LRGUK: variants seen among roughly 807,000 people sequenced by gnomAD.
LRGUK encodes the protein leucine-rich repeat and guanylate kinase domain-containing protein.
Under a neutral mutation model 76.0 loss-of-function variants are expected in LRGUK, and 65 were observed. That is an observed-to-expected ratio of 0.85 (90% CI 0.70 to 1.05). The LOEUF (loss-of-function observed/expected upper bound fraction) is 1.05. LRGUK is among the 50% of genes least tolerant of loss of function. The probability of loss-of-function intolerance (pLI) is 0.00; values close to 1 mark genes in which losing one functional copy is unlikely to be tolerated. For synonymous variants in LRGUK, 268 were observed against 265.6 expected (o/e 1.01, Z -0.09); for missense variants, 758 against 732.8 (o/e 1.03, Z -0.40).
intron 19 of LRGUK, 45 bp downstream of exon 19, chr7:134,258,450 C>T: frequency 2.5e-6 from 4 of 1,571,480 alleles, no homozygotes; most frequent in Non-Finnish European, 3.5e-6. Flanking sequence ...GTAATCCCAG[C>T]ACTTTGGGAG....
chr7:134,178,597 G>A, exon 10 of LRGUK: 2 of 1,612,010 alleles, frequency 1.2e-6, no homozygotes, highest in Non-Finnish European at 1.7e-6. Context: ...CAGCCGCAGA[G>A]GATCTTTGAC....
At chr7:134,259,861 A>G (rs1044139877) in intron 19 of LRGUK, among the ~76,000 whole-genome samples, 1 of 152,116 alleles carries the variant, frequency 6.6e-6, no homozygotes, top group Admixed American at 6.5e-5. Context: ...CAAACATAGC[A>G]CCAAGGCTCA....
In LRGUK at chr7:134,179,043, C is replaced by T. The variant is rs1478823156; in HGVS notation, c.1214+434C>T. 2.0e-5 allele frequency among the ~76,000 whole-genome samples: 3 copies of T among 151,084 alleles called. No individual in the cohort carries two copies. In the East Asian group the frequency reaches 5.9e-4, roughly 30 times the overall value. On this transcript the variant is annotated intron_variant, in intron 10 of 15. Coordinates refer to ENST00000645682, the Ensembl canonical transcript of LRGUK. ...ATATCCATTGTAAATTTTCCCTCAG[C>T]TGTGAGTGGAAGCTAAATACCCTTG... is the stretch of plus-strand genomic sequence containing the variant.
At chr7:134,215,152 A>G (rs909745568), downstream of LRGUK, among the ~76,000 whole-genome samples, 1 of 152,150 alleles carries the variant, frequency 6.6e-6, no homozygotes, top group African/African-American at 2.4e-5. Flanking sequence ...TTTATTGACC[A>G]AGATCCATAA....
At chr7:134,184,382 G>C (rs1321036800) in intron 11 of LRGUK, among the ~76,000 whole-genome samples, 3 of 150,588 alleles carry the variant, frequency 2.0e-5, no homozygotes, top group Admixed American at 6.6e-5. Context: ...CCATTCTCCT[G>C]CCTCAGCCTC....
chr7:134,218,813 A>G (rs17167643), intron 15 of LRGUK, among the ~76,000 whole-genome samples: 1 of 152,208 alleles, frequency 6.6e-6, no homozygotes, highest in Non-Finnish European at 1.5e-5. Flanking sequence ...GTTTGATTTC[A>G]AATGAGTATG....
At chr7:134,271,492 T>C in the LRGUK span, among the ~76,000 whole-genome samples, 3 of 151,928 alleles carry the variant, frequency 2.0e-5, no homozygotes, top group Admixed American at 1.3e-4. Flanking sequence ...TGAGATAGGA[T>C]TGAATTTTTT....
intron 16 of LRGUK, among the ~76,000 whole-genome samples, chr7:134,228,470 G>C (rs377670220): frequency 3.9e-4 from 60 of 152,146 alleles, no homozygotes; most frequent in African/African-American, 1.4e-3. Context: ...CTAAAGAGTT[G>C]CTGACTATAT....
chr7:134,274,129 T>C, the LRGUK span, among the ~76,000 whole-genome samples: 1 of 152,232 alleles, frequency 6.6e-6, no homozygotes, highest in Non-Finnish European at 1.5e-5. Context: ...TCCGTGTAGT[T>C]GTTGAGCACT....
chr7:134,144,947 A>C (rs954254975), intron 4 of LRGUK, among the ~76,000 whole-genome samples: 3 of 152,174 alleles, frequency 2.0e-5, no homozygotes, highest in African/African-American at 4.8e-5. Context: ...GTCTGAAGCC[A>C]CAGGGCAGTC....
chr7:134,174,764 ATCTT>A, intron 8 of LRGUK, 128 bp downstream of exon 8: 1 of 657,324 alleles, frequency 1.5e-6, no homozygotes, highest in South Asian at 1.9e-5. Flanking sequence ...GAGTTTGTCT[ATCTT>A]CCTTCTTTCT....
At chr7:134,156,280 GT>G (rs55878837) in intron 5 of LRGUK, among the ~76,000 whole-genome samples, 19,570 of 150,404 alleles carry the variant, frequency 0.13, 1,575 homozygotes, top group East Asian at 0.32. Flanking sequence ...TTATTAGGTT[GT>G]TTTTTTTTCT....
At chr7:134,237,050 C>CTTTTTTT (rs10555261) in intron 16 of LRGUK, among the ~76,000 whole-genome samples, 8 of 75,166 alleles carry the variant, frequency 1.1e-4, no homozygotes, top group African/African-American at 2.1e-4. Context: ...TTTTCTCTTT[C>CTTTTTTT]TTTTTTTTTT....
intron 7 of LRGUK, among the ~76,000 whole-genome samples, chr7:134,167,234 C>T (rs1025622940): frequency 6.6e-6 from 1 of 152,208 alleles, no homozygotes; most frequent in African/African-American, 2.4e-5. Context: ...AGCAACTGCT[C>T]TCTGGATAGT....
intron 7 of LRGUK, among the ~76,000 whole-genome samples, chr7:134,174,309 G>C (rs1799391090): frequency 6.6e-6 from 1 of 152,064 alleles, no homozygotes; most frequent in Non-Finnish European, 1.5e-5. Context: ...ATAAGAGGAG[G>C]AAACTTACTG....
At chr7:134,211,031 G>C (rs1255527310), downstream of LRGUK, among the ~76,000 whole-genome samples, 2 of 152,222 alleles carry the variant, frequency 1.3e-5, no homozygotes, top group African/African-American at 4.8e-5. Flanking sequence ...GTCACAGAAC[G>C]ACCAGCTATG....
chr7:134,232,457 T>A (rs1341505562), intron 16 of LRGUK, among the ~76,000 whole-genome samples: 1 of 152,026 alleles, frequency 6.6e-6, no homozygotes. Flanking sequence ...TTTTTGTATC[T>A]TTAGTAAAGA....
chr7:134,247,759 T>A (rs80099948), intron 17 of LRGUK, 115 bp downstream of exon 17: 25,111 of 687,850 alleles, frequency 0.037, 1,898 homozygotes, highest in African/African-American at 0.22. Flanking sequence ...GGACCCAGTG[T>A]TTCAGCAGTA....
chr7:134,205,809 G>A (rs1563182181), intron 15 of LRGUK, among the ~76,000 whole-genome samples: 4 of 152,166 alleles, frequency 2.6e-5, no homozygotes, highest in Admixed American at 1.3e-4. Context: ...GAATCCGGCT[G>A]TCTAGAGCTG....
Sources: gnomAD v4.1 joint callset for allele counts (sites outside exome capture counted in the v4.1 genomes callset) on GRCh38, gnomAD v4.1.1 for gene constraint, MANE v1.5 for transcripts, NCBI Gene and HGNC (gene_info 2026-07-23, HGNC 2026-07-21) for gene names.